The following FAM124A variants were observed in gnomAD, a reference collection of about 807,000 sequenced individuals.
FAM124A encodes family with sequence similarity 124 member A.
Under a neutral mutation model 24.5 loss-of-function variants are expected in FAM124A, and 23 were observed. The observed-to-expected ratio is 0.94, with a 90% CI of 0.68 to 1.33. FAM124A has a LOEUF of 1.33. Ranked by LOEUF, FAM124A falls within the 40% of genes most tolerant of loss-of-function variation. The probability of loss-of-function intolerance (pLI) is 0.00; values close to 1 mark genes in which losing one functional copy is unlikely to be tolerated. For synonymous variants in FAM124A, 287 were observed against 314.7 expected (o/e 0.91, Z 0.93); for missense variants, 623 against 722.8 (o/e 0.86, Z 1.58).
intron 2 of FAM124A, among the ~76,000 whole-genome samples, chr13:51,233,284 G>A (rs757058713): frequency 6.6e-6 from 1 of 152,034 alleles, no homozygotes; most frequent in Non-Finnish European, 1.5e-5. Flanking sequence ...TAACATGGCT[G>A]CCTCCACCCC....
chr13:51,235,823 G>A (rs529843330), intron 2 of FAM124A, among the ~76,000 whole-genome samples: 1 of 152,356 alleles, frequency 6.6e-6, no homozygotes, highest in Non-Finnish European at 1.5e-5. Context: ...AGTTCCCTGA[G>A]GAATTCTCTG....
chr13:51,263,795 A>G (rs1954759613), intron 3 of FAM124A, among the ~76,000 whole-genome samples: 1 of 152,234 alleles, frequency 6.6e-6, no homozygotes, highest in African/African-American at 2.4e-5. Flanking sequence ...CAGTGAATAT[A>G]TACATGCAGG....
intron 2 of FAM124A, among the ~76,000 whole-genome samples, chr13:51,240,010 A>G (rs1289504620): frequency 6.6e-6 from 1 of 152,230 alleles, no homozygotes. Context: ...AGTAACAGCC[A>G]CAGCAAAGCC....
At chr13:51,264,570 T>G (rs1482950055) in intron 3 of FAM124A, among the ~76,000 whole-genome samples, 1 of 152,034 alleles carries the variant, frequency 6.6e-6, no homozygotes, top group Non-Finnish European at 1.5e-5. Flanking sequence ...GCCGCAGTGC[T>G]CTATGATCGC....
At chr13:51,267,566 T>C (rs943859512) in intron 3 of FAM124A, among the ~76,000 whole-genome samples, 7 of 152,210 alleles carry the variant, frequency 4.6e-5, no homozygotes, top group Non-Finnish European at 8.8e-5. Context: ...AATTAGGTTT[T>C]ATAGGTTTCT....
chr13:51,268,563 T>C (rs1954811133), intron 3 of FAM124A, among the ~76,000 whole-genome samples: 1 of 152,152 alleles, frequency 6.6e-6, no homozygotes, highest in African/African-American at 2.4e-5. Flanking sequence ...GCTCAGTCAC[T>C]TAGGTGGCAG....
chr13:51,245,444 T>C, intron 2 of FAM124A: 1 of 613,340 alleles, frequency 1.6e-6, no homozygotes, highest in Non-Finnish European at 2.9e-6. Context: ...TTGGCGCAGC[T>C]TCCGGCATTC....
chr13:51,245,692 C>T (rs935765690), intron 2 of FAM124A, among the ~76,000 whole-genome samples: 5 of 152,198 alleles, frequency 3.3e-5, no homozygotes, highest in African/African-American at 1.2e-4. Context: ...GGGGTTCAGA[C>T]AGCCCTTGCT....
chr13:51,262,355 C>T (rs1027512459), intron 3 of FAM124A, among the ~76,000 whole-genome samples: 101 of 6,812 alleles, frequency 0.015, 1 homozygote, highest in African/African-American at 0.057. Context: ...GTAATAAAAC[C>T]AAATTACCCC....
In FAM124A at chr13:51,251,386, C is replaced by A. The variant is rs572135286; in HGVS notation, c.101-82C>A. 3.5e-6 allele frequency: 5 copies of A among 1,422,120 alleles called. No homozygotes were observed. The highest frequency in any genetic ancestry group is 3.9e-5 in the South Asian group (2 of 50,730). 88.1% of individuals were successfully genotyped at this position (1,422,120 alleles called of 1,614,324 possible). A position where few individuals can be genotyped will look rare whatever the true frequency, so the allele number is the denominator to read the frequency against. ...GAATTTGACTTCTCTTCCTGTCAAG[C>A]CTGTACACGTCATCACTGGACACTT... On this transcript the variant is annotated intron_variant, in intron 2 of 3. Coordinates refer to ENST00000322475, the MANE Select transcript of FAM124A (RefSeq NM_001242312.2). This position sits in a 1 kb window ranked among gnomAD's most constrained non-coding sequence, Gnocchi z 5.3.
chr13:51,270,418 G>T (rs1954829724), intron 3 of FAM124A, among the ~76,000 whole-genome samples: 1 of 152,052 alleles, frequency 6.6e-6, no homozygotes, highest in Admixed American at 6.5e-5. Context: ...TTCAAAGATG[G>T]GATTTTTTTT....
chr13:51,232,073 A>C (rs985193667), intron 2 of FAM124A, among the ~76,000 whole-genome samples: 1 of 152,220 alleles, frequency 6.6e-6, no homozygotes, highest in Non-Finnish European at 1.5e-5. Flanking sequence ...CATTTTTATC[A>C]ATCCATCATC....
chr13:51,273,255 G>T (rs1954855228), intron 3 of FAM124A, among the ~76,000 whole-genome samples: 1 of 152,156 alleles, frequency 6.6e-6, no homozygotes, highest in Non-Finnish European at 1.5e-5. Context: ...CAACGGGGAG[G>T]TAGCCAGGGT....
At chr13:51,256,219 G>C (rs1290419634) in intron 3 of FAM124A, among the ~76,000 whole-genome samples, 2 of 152,224 alleles carry the variant, frequency 1.3e-5, no homozygotes, top group African/African-American at 4.8e-5. Flanking sequence ...TCCACAATGA[G>C]ATTGTGGCTG....
intron 3 of FAM124A, among the ~76,000 whole-genome samples, chr13:51,270,732 G>A (rs753659331): frequency 1.1e-4 from 16 of 152,230 alleles, no homozygotes; most frequent in Non-Finnish European, 2.1e-4. Context: ...CAATGGCCAT[G>A]ACGTCCATGT....
Position 51,282,328 on chromosome 13 carries a change from C to T in FAM124A, c.*1072C>T, listed in dbSNP as rs1373762123. Reference sequence around the variant, plus strand: ...CGGGAAACTTTACCTGAAACGCTCTCCTGAACAAACACCAGTGCACTGCCA... The same window carrying T: ...CGGGAAACTTTACCTGAAACGCTCTTCTGAACAAACACCAGTGCACTGCCA... On this transcript the variant is annotated 3_prime_UTR_variant, in exon 4 of 4. Transcript: ENST00000322475. 1 of 152,220 alleles carries T rather than the reference C, an allele frequency of 6.6e-6. No individual in the cohort carries two copies. The highest frequency in any genetic ancestry group is 1.5e-5 in the Non-Finnish European group (1 of 68,040). 9.4% of individuals were successfully genotyped at this position (152,220 alleles called of 1,614,324 possible).
At chr13:51,279,090 A>G (rs936737280) in intron 3 of FAM124A, among the ~76,000 whole-genome samples, 1 of 152,228 alleles carries the variant, frequency 6.6e-6, no homozygotes, top group Non-Finnish European at 1.5e-5. Flanking sequence ...AGGGCACCCA[A>G]AGGAATTGGC....
intron 3 of FAM124A, among the ~76,000 whole-genome samples, chr13:51,276,463 C>A (rs1329698772): frequency 6.6e-6 from 1 of 152,206 alleles, no homozygotes; most frequent in East Asian, 1.9e-4. Context: ...CAACCGCCAT[C>A]CTGTCTAGCT....
At chr13:51,267,762 C>G (rs970568292) in intron 3 of FAM124A, among the ~76,000 whole-genome samples, 1 of 152,184 alleles carries the variant, frequency 6.6e-6, no homozygotes, top group Admixed American at 6.5e-5. Context: ...ATATTCAGCA[C>G]CGGTCAGCTC....
Sources: allele counts gnomAD v4.1 joint callset (sites outside exome capture counted in the v4.1 genomes callset), GRCh38; gene constraint gnomAD v4.1.1; non-coding constraint Gnocchi (gnomAD v3.1); transcripts MANE v1.5; gene names NCBI Gene and HGNC (gene_info 2026-07-23, HGNC 2026-07-21).